The following PXDNL variants were observed in gnomAD, a reference collection of about 807,000 sequenced individuals.
PXDNL encodes the protein probable oxidoreductase PXDNL.
In PXDNL, 145 loss-of-function variants were observed where a neutral mutation model predicts 150.8. The observed-to-expected ratio is 0.96, with a 90% CI of 0.84 to 1.10. The LOEUF (loss-of-function observed/expected upper bound fraction) is 1.10. PXDNL is among the 50% of genes least tolerant of loss of function. The probability of loss-of-function intolerance (pLI) is 0.00; values close to 1 mark genes in which losing one functional copy is unlikely to be tolerated. For synonymous variants in PXDNL, 757 were observed against 725.7 expected, an observed-to-expected ratio of 1.04 and a Z score of -0.69; for missense variants, 2,087 against 1,873.9, an observed-to-expected ratio of 1.11 and a Z score of -2.10.
intron 13 of PXDNL, among the ~76,000 whole-genome samples, chr8:51,425,969 A>T (rs1809088983): frequency 6.6e-6 from 1 of 152,244 alleles, no homozygotes; most frequent in Non-Finnish European, 1.5e-5. Flanking sequence ...AAATAAGCCA[A>T]GTGGTTTTGG....
chr8:51,608,046 A>AAGCAAGC (rs1813891895), intron 2 of PXDNL, among the ~76,000 whole-genome samples: 2 of 116,568 alleles, frequency 1.7e-5, no homozygotes, highest in African/African-American at 3.9e-5. Context: ...AGAAAGAAAG[A>AAGCAAGC]AAGAAAGAAA....
chr8:51,493,333 A>G (rs1810946615), intron 5 of PXDNL, among the ~76,000 whole-genome samples: 1 of 152,358 alleles, frequency 6.6e-6, no homozygotes, highest in Admixed American at 6.5e-5. Context: ...AGATGGGGAA[A>G]AAAACAGAGC....
intron 1 of PXDNL, among the ~76,000 whole-genome samples, chr8:51,792,954 C>G (rs2037527245): frequency 6.6e-6 from 1 of 152,214 alleles, no homozygotes; most frequent in African/African-American, 2.4e-5. Flanking sequence ...TCCCCCAGCA[C>G]AGCACACCCT....
intron 4 of PXDNL, among the ~76,000 whole-genome samples, chr8:51,533,502 C>CCTCCCT (rs1258537863): frequency 1.1e-4 from 14 of 126,822 alleles, no homozygotes; most frequent in East Asian, 5.5e-4. Flanking sequence ...TCCCCCTCCC[C>CCTCCCT]CTCCCTCTCC....
chr8:51,527,374 C>T lies in PXDNL; in HGVS notation c.381-27604G>A, dbSNP rs145881363. ...CATTTGCTTGATAGGCTCATTTTACCTGCCTTCTACCCTCAAATTCCAATC... is the reference window on the plus strand; with the variant it reads ...CATTTGCTTGATAGGCTCATTTTACTTGCCTTCTACCCTCAAATTCCAATC... On this transcript the variant is annotated intron_variant, in intron 4 of 22. Transcript: ENST00000356297. Among the ~76,000 whole-genome samples, 780 of 152,236 alleles carry T rather than the reference C, an allele frequency of 5.1e-3. 10 individuals carry two copies. Among genetic ancestry groups the T allele is most frequent in the African/African-American group, 0.015 (603 of 41,532 alleles).
chr8:51,387,844 T>C (rs1807767265), intron 17 of PXDNL, among the ~76,000 whole-genome samples: 1 of 151,918 alleles, frequency 6.6e-6, no homozygotes, highest in African/African-American at 2.4e-5. Flanking sequence ...TATTCTAATA[T>C]AATGCCCTAT....
At chr8:51,627,011 T>TA (rs1205113784) in intron 2 of PXDNL, among the ~76,000 whole-genome samples, 1 of 152,218 alleles carries the variant, frequency 6.6e-6, no homozygotes, top group Non-Finnish European at 1.5e-5. Context: ...TTAAAAAACT[T>TA]ACAAGAGCAC....
At chr8:51,359,406 C>T (rs2130745396) in intron 19 of PXDNL, among the ~76,000 whole-genome samples, 1 of 152,210 alleles carries the variant, frequency 6.6e-6, no homozygotes, top group East Asian at 1.9e-4. Context: ...GGAGGTTGAT[C>T]TCTGTTGAGA....
intron 3 of PXDNL, among the ~76,000 whole-genome samples, chr8:51,559,687 G>A (rs960150348): frequency 3.3e-5 from 5 of 151,998 alleles, no homozygotes; most frequent in Non-Finnish European, 5.9e-5. Flanking sequence ...AACAAAGGGT[G>A]AGAGTACCAT....
intron 17 of PXDNL, among the ~76,000 whole-genome samples, chr8:51,378,351 G>C (rs1032100633): frequency 6.6e-6 from 1 of 152,186 alleles, no homozygotes; most frequent in African/African-American, 2.4e-5. Flanking sequence ...CTCAAGGTTT[G>C]TAAATGCACC....
At chr8:51,412,706 C>T (rs1345767994) in intron 15 of PXDNL, among the ~76,000 whole-genome samples, 3 of 152,196 alleles carry the variant, frequency 2.0e-5, no homozygotes, top group Non-Finnish European at 2.9e-5. Flanking sequence ...TGGAAGGTTT[C>T]ACTAGTCCAT....
chr8:51,753,095 C>A (rs1434754085), intron 1 of PXDNL, among the ~76,000 whole-genome samples: 1 of 152,224 alleles, frequency 6.6e-6, no homozygotes, highest in Non-Finnish European at 1.5e-5. Context: ...TGGAATAGCA[C>A]AATTATTATT....
intron 2 of PXDNL, among the ~76,000 whole-genome samples, chr8:51,653,797 A>G (rs1330885068): frequency 7.9e-6 from 1 of 127,280 alleles, no homozygotes; most frequent in Non-Finnish European, 1.8e-5. Context: ...TGCTAACTCT[A>G]TCATGAGAAT....
At chr8:51,556,601 T>C (rs1284202643) in intron 4 of PXDNL, among the ~76,000 whole-genome samples, 1 of 152,190 alleles carries the variant, frequency 6.6e-6, no homozygotes, top group African/African-American at 2.4e-5. Context: ...AGTTGCCCAA[T>C]GTCACACAAG....
rs755862204 is a variant in PXDNL at position 51,408,210 on chromosome 8, A to G, written c.3414T>C (p.Ala1138=). ...CTCTACCCCTTTGAATGATGGTGGC[A>G]GCCGAATCCACGGCCGCAGAATAAG... ...SAAYSAAVDS[A]ATIIQRGRDH... is the part of the protein sequence containing the mutation. The change falls in exon 17 of 23, where the codon GCT becomes GCC. Residue 1138 remains alanine, a synonymous_variant. Transcript: ENST00000356297. The G allele has an allele frequency of 6.2e-7, 1 of 1,613,942 alleles. No homozygotes were observed. The highest frequency in any genetic ancestry group is 8.5e-7 in the Non-Finnish European group (1 of 1,179,912).
intron 17 of PXDNL, among the ~76,000 whole-genome samples, chr8:51,380,495 C>T (rs1004966943): frequency 6.6e-6 from 1 of 152,200 alleles, no homozygotes; most frequent in Non-Finnish European, 1.5e-5. Flanking sequence ...TGTAAGTCTT[C>T]TAATTATCAT....
At chr8:51,614,000 C>CA (rs1814077304) in intron 2 of PXDNL, among the ~76,000 whole-genome samples, 1 of 152,206 alleles carries the variant, frequency 6.6e-6, no homozygotes, top group South Asian at 2.1e-4. Context: ...AGTGATTCTG[C>CA]ACTGCTTGTC....
chr8:51,559,546 G>C (rs373084720), intron 3 of PXDNL, among the ~76,000 whole-genome samples: 2 of 151,920 alleles, frequency 1.3e-5, no homozygotes, highest in African/African-American at 2.4e-5. Flanking sequence ...CAGAGAAAGA[G>C]AGCATTAGCA....
intron 3 of PXDNL, among the ~76,000 whole-genome samples, chr8:51,560,505 C>T (rs1382158563): frequency 6.6e-6 from 1 of 151,782 alleles, no homozygotes; most frequent in East Asian, 1.9e-4. Flanking sequence ...TAAGCCCTTG[C>T]ATATATGGTC....
Sources: gnomAD v4.1 joint callset for allele counts (sites outside exome capture counted in the v4.1 genomes callset) on GRCh38, gnomAD v4.1.1 for gene constraint, MANE v1.5 for transcripts, NCBI Gene and HGNC (gene_info 2026-07-23, HGNC 2026-07-21) for gene names.